Variants in RIIAD1 observed in about 807,000 individuals in gnomAD.
RIIAD1 encodes RIIa domain-containing protein 1.
In RIIAD1, 15 loss-of-function variants were observed where a neutral mutation model predicts 13.3. The observed-to-expected ratio is 1.13, with a 90% CI of 0.76 to 1.74. RIIAD1 has a LOEUF of 1.74. Among genes scored for constraint, RIIAD1 ranks in the 40% most tolerant of loss-of-function variants. RIIAD1 has a pLI of 0.00. For synonymous variants in RIIAD1, 50 were observed against 43.3 expected, an observed-to-expected ratio of 1.16 and a Z score of -0.61; for missense variants, 121 against 112.2, an observed-to-expected ratio of 1.08 and a Z score of -0.35.
chr1:151,716,256 T>A, intron 4 of RIIAD1: 1 of 482,320 alleles, frequency 2.1e-6, no homozygotes, highest in Non-Finnish European at 3.7e-6. Flanking sequence ...CCAGGGGGCA[T>A]CGCCTAAACA....
chr1:151,719,540 G>T (rs1347334240), upstream of RIIAD1: 9 of 680,798 alleles, frequency 1.3e-5, no homozygotes, highest in East Asian at 8.2e-5. Flanking sequence ...GTGGTGGTAT[G>T]TGTGGGCAGA....
upstream of RIIAD1, among the ~76,000 whole-genome samples, chr1:151,717,098 C>T (rs1265744791): frequency 6.6e-6 from 1 of 152,088 alleles, no homozygotes; most frequent in African/African-American, 2.4e-5. Flanking sequence ...GTTCCGGGGG[C>T]TGGAGCTGTC....
intron 4 of RIIAD1, chr1:151,714,707 C>CG (rs1350339814): frequency 3.4e-6 from 5 of 1,477,828 alleles, no homozygotes; most frequent in African/African-American, 2.8e-5. Flanking sequence ...AGAAACACGG[C>CG]GGGGGGTGAG....
upstream of RIIAD1, among the ~76,000 whole-genome samples, chr1:151,720,977 G>T (rs1673724283): frequency 6.6e-6 from 1 of 152,208 alleles, no homozygotes; most frequent in Admixed American, 6.5e-5. Context: ...CAGTCCAAGA[G>T]GGGGAAATTC....
upstream of RIIAD1, among the ~76,000 whole-genome samples, chr1:151,718,390 C>A (rs1034563980): frequency 6.6e-6 from 1 of 152,218 alleles, no homozygotes; most frequent in Non-Finnish European, 1.5e-5. Context: ...AGACTGGAGC[C>A]TGGGCAGTCT....
intron 4 of RIIAD1, chr1:151,715,803 C>A: frequency 1.3e-6 from 2 of 1,595,204 alleles, no homozygotes; most frequent in Non-Finnish European, 8.5e-7. Flanking sequence ...CCGCTCCACC[C>A]CTCCAGCCTG....
chr1:151,714,961 T>A (rs1673350711), intron 4 of RIIAD1, among the ~76,000 whole-genome samples: 1 of 151,750 alleles, frequency 6.6e-6, no homozygotes, highest in Non-Finnish European at 1.5e-5. Flanking sequence ...GCCAGACAAG[T>A]AAGAGTAGTG....
At position 151,722,066 on chromosome 1, in the gene RIIAD1, C is replaced by G. The variant is rs1571948239; in HGVS notation, c.85-20C>G. On this transcript the variant is annotated intron_variant, in intron 1 of 4. Coordinates refer to ENST00000479191, the MANE Select transcript of RIIAD1 (RefSeq NM_001144956.3). The stretch of plus-strand genomic sequence containing the variant: ...GAATCTGTCTCCTAATGGAAGTGAC[C>G]CTTTGTTCTTGCCCCCCAGATTCAG... 3.3e-6 allele frequency: 5 copies of G among 1,528,208 alleles called. No individual in the cohort carries two copies. The highest frequency in any genetic ancestry group is 4.4e-6 in the Non-Finnish European group (5 of 1,125,672). 94.7% of individuals were successfully genotyped at this position (1,528,208 alleles called of 1,614,324 possible).
At chr1:151,722,016 C>T (rs1440205073) in intron 1 of RIIAD1, 70 bp from the exon 2 acceptor site, 5 of 1,140,698 alleles carry the variant, frequency 4.4e-6, no homozygotes, top group South Asian at 2.6e-5. Flanking sequence ...TCCCGCAGCC[C>T]TTCACATCTC....
At chr1:151,712,995 A>G (rs749585385) in intron 2 of RIIAD1, among the ~76,000 whole-genome samples, 25 of 152,128 alleles carry the variant, frequency 1.6e-4, no homozygotes, top group Non-Finnish European at 2.6e-4. Context: ...GCAGGAGAAG[A>G]CTTAGGGAAG....
upstream of RIIAD1, among the ~76,000 whole-genome samples, chr1:151,721,179 G>A (rs983623804): frequency 6.6e-6 from 1 of 152,126 alleles, no homozygotes; most frequent in African/African-American, 2.4e-5. Flanking sequence ...AAGAAGCTTG[G>A]GTTCTCTTTC....
chr1:151,721,594 C>A lies in RIIAD1; in HGVS notation c.58C>A (p.Gln20Lys). 1 of 1,302,404 alleles carries A rather than the reference C, an allele frequency of 7.7e-7. No homozygotes were observed. Among genetic ancestry groups the A allele is most frequent in the Non-Finnish European group, 9.8e-7 (1 of 1,022,526 alleles). 80.7% of individuals were successfully genotyped at this position (1,302,404 alleles called of 1,614,324 possible). ...RPDPGALSAA[Q>K]LEQLRKFKIQ... ...CGACCCCGGGGCGCTTAGCGCAGCG[C>A]AGCTGGAGCAGCTGCGAAAATTCAA... is the stretch of plus-strand genomic sequence containing the variant. The change falls in exon 1 of 5, where the codon CAG becomes AAG. Residue 20 changes from glutamine (Q) to lysine (K), a missense_variant. Coordinates refer to ENST00000479191, the MANE Select transcript of RIIAD1 (RefSeq NM_001144956.3).
At position 151,715,697 on chromosome 1, in the gene RIIAD1, G is replaced by C. The variant is rs533553282; in HGVS notation, c.21+1168G>C. ...AAGAGGCCCTCCTTAGTCCTTCACC[G>C]GGGTTTCCTGATCACTCTAGCTGAG... On this transcript the variant is annotated intron_variant, in intron 4 of 8. Coordinates refer to the RIIAD1 transcript ENST00000326413. 6.1e-5 allele frequency: 94 copies of C among 1,541,138 alleles called. No homozygotes were observed. The African/African-American group carries it at 9.3e-4, about 15-fold the overall frequency.
chr1:151,724,044 CACAA>C (rs774173387), intron 2 of RIIAD1, among the ~76,000 whole-genome samples: 21 of 152,214 alleles, frequency 1.4e-4, no homozygotes, highest in Non-Finnish European at 2.2e-4. Context: ...TTGCATTGCT[CACAA>C]ACAACAGGAT....
intron 2 of RIIAD1, among the ~76,000 whole-genome samples, chr1:151,725,361 C>G (rs1200495472): frequency 3.3e-5 from 5 of 150,796 alleles, no homozygotes; most frequent in Admixed American, 2.6e-4. Context: ...CTGCCTGCCT[C>G]GGCCTCCCAA....
At chr1:151,716,003 G>T (rs981405819) in intron 4 of RIIAD1, 4 of 1,613,396 alleles carry the variant, frequency 2.5e-6, no homozygotes, top group Non-Finnish European at 3.4e-6. Context: ...ACAGCTTGAT[G>T]GCATCCGGCT....
intron 4 of RIIAD1, chr1:151,714,718 T>A: frequency 7.5e-7 from 1 of 1,324,712 alleles, no homozygotes; most frequent in Non-Finnish European, 1.1e-6. Flanking sequence ...GGGGGGTGAG[T>A]CCTCCATCTC....
At chr1:151,716,884 A>T (rs1170004752), upstream of RIIAD1, 1 of 432,870 alleles carries the variant, frequency 2.3e-6, no homozygotes, top group East Asian at 7.4e-5. Context: ...TCGAATACAA[A>T]TTCTCTACCC....
chr1:151,721,638 C>A lies in RIIAD1; in HGVS notation c.84+18C>A. 7.9e-7 allele frequency: 1 copy of A among 1,271,836 alleles called. No individual in the cohort carries two copies. Among genetic ancestry groups the A allele is most frequent in the South Asian group, 2.4e-5 (1 of 40,902 alleles). The allele number at this position is 1,271,836 out of a possible 1,614,324, so 78.8% of individuals were successfully genotyped here. A position where few individuals can be genotyped will look rare whatever the true frequency, so the allele number is the denominator to read the frequency against. ...AATTCAAGGTGGGTGCGCCCGCGCC[C>A]CCATCCAGCGTCCACCAAAGTGTAG... On this transcript the variant is annotated intron_variant, in intron 1 of 4. Transcript: ENST00000479191.
Sources: allele counts gnomAD v4.1 joint callset (sites outside exome capture counted in the v4.1 genomes callset), GRCh38; gene constraint gnomAD v4.1.1; transcripts MANE v1.5; gene names NCBI Gene and HGNC (gene_info 2026-07-23, HGNC 2026-07-21).